Variants in NLRP12 observed in about 807,000 individuals in gnomAD.
NLRP12 encodes the protein NACHT, LRR and PYD domains-containing protein 12.
Under a neutral mutation model 91.2 loss-of-function variants are expected in NLRP12, and 108 were observed. That is an observed-to-expected ratio of 1.18 (90% confidence interval 1.01 to 1.39). The LOEUF (loss-of-function observed/expected upper bound fraction) is 1.39. Ranked by LOEUF, NLRP12 falls within the 40% of genes most tolerant of loss-of-function variation. The probability of loss-of-function intolerance (pLI) is 0.00; values close to 1 mark genes in which losing one functional copy is unlikely to be tolerated. For synonymous variants in NLRP12, 613 were observed against 566.7 expected (o/e 1.08, Z -1.16); for missense variants, 1,530 against 1,352.7 (o/e 1.13, Z -2.06).
chr19:53,801,358 C>T lies in NLRP12; in HGVS notation c.2625G>A (p.Glu875=). 1 of 1,613,930 alleles carries T rather than the reference C, an allele frequency of 6.2e-7. No homozygotes were observed. Among genetic ancestry groups the T allele is most frequent in the Admixed American group, 1.7e-5 (1 of 59,942 alleles). ...ICRLTAAACD[E]LASTLSVNQS... is the part of the protein sequence containing the mutation. ...GGTTCACACTGAGAGTTGAGGCCAG[C>T]TCGTCACAGGCAGCAGCAGTGAGGC... Residue 875 remains glutamate (E), a synonymous_variant, in exon 7 of 10, where the codon GAG becomes GAA. Coordinates refer to ENST00000324134, the MANE Select transcript of NLRP12 (RefSeq NM_144687.4).
chr19:53,815,427 C>T (rs1374994378), intron 1 of NLRP12, among the ~76,000 whole-genome samples: 1 of 151,778 alleles, frequency 6.6e-6, no homozygotes, highest in Non-Finnish European at 1.5e-5. Flanking sequence ...CGGGGTTTCA[C>T]TATGTTGGCC....
intron 7 of NLRP12, among the ~76,000 whole-genome samples, chr19:53,799,672 G>A (rs1050406247): frequency 2.0e-5 from 3 of 151,774 alleles, no homozygotes; most frequent in East Asian, 2.0e-4. Context: ...TAGTAGAGAC[G>A]GGGTTTCACC....
rs372660692 is a variant in NLRP12, at chr19:53,811,266, G to A, written c.393C>T (p.Asp131=). 22 of 1,613,872 alleles carry A rather than the reference G, an allele frequency of 1.4e-5. No homozygotes were observed. Among genetic ancestry groups the A allele is most frequent in the Non-Finnish European group, 1.8e-5 (21 of 1,180,040 alleles). Reference sequence around the variant, plus strand: ...TGAGCCGGAATTTCCTGCGGACATAGTCCCTGTAGGTTTCCTGGGGATCTA... The same window carrying A: ...TGAGCCGGAATTTCCTGCGGACATAATCCCTGTAGGTTTCCTGGGGATCTA... ...PRKDPQETYR[D]YVRRKFRLME... The change falls in exon 3 of 10, where the codon GAC becomes GAT. Residue 131 remains aspartate, a synonymous_variant. Coordinates refer to ENST00000324134, the MANE Select transcript of NLRP12 (RefSeq NM_144687.4).
Position 53,805,365 on chromosome 19 carries a change from G to C in NLRP12, c.2329C>G (p.Leu777Val). Reference protein sequence around the residue: ...IANKNLTRMDLSGNGVGFPGM... With the variant: ...IANKNLTRMDVSGNGVGFPGM... Reference sequence around the variant, plus strand: ...GGGAATCCAACGCCGTTGCCACTGAGATCCATCCTTGTCAAATTCTTATTG... The same window carrying C: ...GGGAATCCAACGCCGTTGCCACTGACATCCATCCTTGTCAAATTCTTATTG... The change falls in exon 5 of 10, where the codon CTC becomes GTC. Residue 777 changes from leucine (L) to valine (V), a missense_variant. Transcript: ENST00000324134. The C allele has an allele frequency of 1.2e-6, 2 of 1,614,096 alleles. No individual in the cohort carries two copies. Among genetic ancestry groups the C allele is most frequent in the Non-Finnish European group, 1.7e-6 (2 of 1,180,000 alleles).
At chr19:53,823,232 G>A (rs1218319801) in intron 1 of NLRP12, among the ~76,000 whole-genome samples, 2 of 138,174 alleles carry the variant, frequency 1.4e-5, no homozygotes, top group Non-Finnish European at 3.1e-5. Flanking sequence ...AATAATATAT[G>A]TATTAAATAT....
rs1184285804 is a variant in NLRP12 at position 53,807,539 on chromosome 19, G to A, written c.2199C>T (p.Leu733=). ...NALGSRGVKL[L]CQGLRHPNCK... is the part of the protein sequence containing the mutation. ...AGTTGGGGTGTCTGAGTCCTTGACA[G>A]AGCAGCTTCACCCCCCGGCTGCCCA... The change falls in exon 4 of 10, where the codon CTC becomes CTT. Residue 733 remains leucine, a synonymous_variant. Coordinates refer to ENST00000324134, the MANE Select transcript of NLRP12 (RefSeq NM_144687.4). 3 of 1,614,054 alleles carry A rather than the reference G, an allele frequency of 1.9e-6. No individual in the cohort carries two copies. The highest frequency in any genetic ancestry group is 2.5e-6 in the Non-Finnish European group (3 of 1,180,046).
chr19:53,810,990 C>G lies in NLRP12; in HGVS notation c.669G>C (p.Lys223Asn). 6.2e-7 allele frequency: 1 copy of G among 1,614,170 alleles called. No homozygotes were observed. The highest frequency in any genetic ancestry group is 8.5e-7 in the Non-Finnish European group (1 of 1,180,010). Residue 223 changes from lysine to asparagine, a missense_variant, in exon 3 of 10, where the codon AAG (lysine) becomes AAC (asparagine). Transcript: ENST00000324134. Reference protein sequence around the residue: ...VVMQGAAGIGKSMLAHKVMLD... With the variant: ...VVMQGAAGIGNSMLAHKVMLD... ...GCATCACCTTGTGTGCCAGCATGGA[C>G]TTGCCTATCCCTGCCGCGCCTTGCA...
rs775536396 is a variant in NLRP12 at position 53,807,681 on chromosome 19, A to T, written c.2073-16T>A. On this transcript the variant is annotated splice_polypyrimidine_tract_variant and intron_variant, in intron 3 of 9. Coordinates refer to ENST00000324134, the MANE Select transcript of NLRP12 (RefSeq NM_144687.4). ...CCTCTCTGGTCTGCTTGAAGGAAAGACAGGCCACTCTCTGGTGTTACTGGT... is the reference window on the plus strand; with the variant it reads ...CCTCTCTGGTCTGCTTGAAGGAAAGTCAGGCCACTCTCTGGTGTTACTGGT... 6.2e-7 allele frequency: 1 copy of T among 1,614,078 alleles called. No individual in the cohort carries two copies. The highest frequency in any genetic ancestry group is 1.1e-5 in the South Asian group (1 of 91,084).
At chr19:53,797,368 C>T (rs1568656487) in intron 8 of NLRP12, among the ~76,000 whole-genome samples, 1 of 151,810 alleles carries the variant, frequency 6.6e-6, no homozygotes, top group Non-Finnish European at 1.5e-5. Context: ...CATGATCTGT[C>T]CGCCTTGGAC....
intron 1 of NLRP12, among the ~76,000 whole-genome samples, chr19:53,823,468 T>TATA (rs2092296686): frequency 7.8e-6 from 1 of 127,750 alleles, no homozygotes; most frequent in Non-Finnish European, 1.6e-5. Flanking sequence ...TTTAAATATA[T>TATA]ATTTAAAATA....
At chr19:53,807,214 C>A (rs1287303458) in intron 4 of NLRP12, among the ~76,000 whole-genome samples, 1 of 151,966 alleles carries the variant, frequency 6.6e-6, no homozygotes, top group African/African-American at 2.4e-5. Context: ...ATTACAGGCG[C>A]CCGCCACCAC....
intron 6 of NLRP12, among the ~76,000 whole-genome samples, chr19:53,802,724 C>T (rs2091895351): frequency 6.6e-6 from 1 of 151,058 alleles, no homozygotes; most frequent in South Asian, 2.1e-4. Context: ...AAAAAGAAAA[C>T]TGGGGAAGAT....
Position 53,809,916 on chromosome 19 carries a change from C to T in NLRP12, c.1743G>A (p.Trp581Ter). ...CCATCTTGATGTGCGGCGAGACCTT[C>T]CAGCAGAGACTCTTCTCCAGGTGGC... ...TRSHLEKSLC[W>*]KVSPHIKMDL... Residue 581 changes from tryptophan (W) to a stop codon, truncating the protein, a stop_gained, in exon 3 of 10, where the codon TGG becomes TGA. Transcript: ENST00000324134. LOFTEE classifies it high-confidence loss of function. 2 of 1,614,092 alleles carry T rather than the reference C, an allele frequency of 1.2e-6. 1 individual carries two copies. Among genetic ancestry groups the T allele is most frequent in the South Asian group, 2.2e-5 (2 of 91,086 alleles).
intron 2 of NLRP12, among the ~76,000 whole-genome samples, chr19:53,813,299 CTT>C (rs1160039078): frequency 5.8e-5 from 5 of 86,032 alleles, no homozygotes; most frequent in East Asian, 3.6e-4. Context: ...TTTTTCTTTT[CTT>C]TTTTTTTTTT....
intron 7 of NLRP12, 52 bp from the exon 8 acceptor site, chr19:53,798,465 C>A (rs912002059): frequency 6.4e-7 from 1 of 1,572,542 alleles, no homozygotes; most frequent in Non-Finnish European, 8.7e-7. Context: ...CCTGCAAAAT[C>A]TGCTGGGAGG....
At chr19:53,805,185 A>T in intron 5 of NLRP12, 95 bp downstream of exon 5, 1 of 1,334,538 alleles carries the variant, frequency 7.5e-7, no homozygotes, top group Non-Finnish European at 1.1e-6. Context: ...GCCCTGATTT[A>T]AAGGTGGAGA....
rs140585311 is a variant in NLRP12, at chr19:53,810,707, G to C, written c.952C>G (p.Arg318Gly). The C allele has an allele frequency of 6.4e-5, 103 of 1,614,000 alleles. 1 individual carries two copies. In the African/African-American group the frequency reaches 1.4e-3, roughly 22 times the overall value. The change falls in exon 3 of 10, where the codon CGG (arginine) becomes GGG (glycine). Residue 318 changes from arginine to glycine, a missense_variant. Coordinates refer to ENST00000324134, the MANE Select transcript of NLRP12 (RefSeq NM_144687.4). ...CTGTTAAGAAGCAGCTCCGTGGGCCGTTTCTCCTCCCAGCAGAGGCACCAG... is the reference window on the plus strand; with the variant it reads ...CTGTTAAGAAGCAGCTCCGTGGGCCCTTTCTCCTCCCAGCAGAGGCACCAG... ...GPWCLCWEEKRPTELLLNSLI... is the reference protein window; with the variant it reads ...GPWCLCWEEKGPTELLLNSLI...
Position 53,815,063 on chromosome 19 carries a change from G to A in NLRP12, c.290-75C>T, listed in dbSNP as rs114364046. On this transcript the variant is annotated intron_variant, in intron 1 of 9. Transcript: ENST00000324134. ...ACCGCGTCATATTAGCTGCGATTAC[G>A]TCGAAATGCCTGCATAACTCCCTGG... 1.3e-3 allele frequency: 1,432 copies of A among 1,106,116 alleles called. 14 individuals are homozygous for A. The African/African-American group carries it at 0.019, about 15-fold the overall frequency. The allele number at this position is 1,106,116 out of a possible 1,614,324, so 68.5% of individuals were successfully genotyped here.
chr19:53,794,650 T>A (rs928408063), intron 9 of NLRP12, among the ~76,000 whole-genome samples: 5 of 103,356 alleles, frequency 4.8e-5, no homozygotes, highest in Non-Finnish European at 1.0e-4. Context: ...CTTATGAAGA[T>A]GCAACTATGT....
Sources: allele counts gnomAD v4.1 joint callset (sites outside exome capture counted in the v4.1 genomes callset), GRCh38; gene constraint gnomAD v4.1.1; transcripts MANE v1.5; gene names NCBI Gene and HGNC (gene_info 2026-07-23, HGNC 2026-07-21).